DNAAF1: variants seen among roughly 807,000 people sequenced by gnomAD.
The protein encoded by DNAAF1 is dynein axonemal assembly factor 1.
In DNAAF1, 65 loss-of-function variants were observed where a neutral mutation model predicts 71.1. The ratio of observed to expected loss-of-function variants is 0.91; its 90% CI spans 0.75 to 1.12. The LOEUF is 1.12. DNAAF1 is among the 50% of genes most tolerant of loss of function. The pLI, the probability that DNAAF1 is intolerant of heterozygous loss-of-function variation, is 0.00. For synonymous variants in DNAAF1, 414 were observed against 354.6 expected, an observed-to-expected ratio of 1.17 and a Z score of -1.88; for missense variants, 1,178 against 899.8, an observed-to-expected ratio of 1.31 and a Z score of -3.96.
At chr16:84,166,841 G>C (rs954342110) in intron 7 of DNAAF1, among the ~76,000 whole-genome samples, 1 of 152,232 alleles carries the variant, frequency 6.6e-6, no homozygotes, top group Non-Finnish European at 1.5e-5. Context: ...TTCTGCGGCT[G>C]CTGAAAGTAG....
At chr16:84,168,811 C>G (rs1006080736) in intron 7 of DNAAF1, among the ~76,000 whole-genome samples, 1 of 140,198 alleles carries the variant, frequency 7.1e-6, no homozygotes, top group Non-Finnish European at 1.5e-5. Context: ...TCATAATTTG[C>G]TACACATTTG....
In DNAAF1 at chr16:84,176,196, C is replaced by A; in HGVS notation, c.1962C>A (p.Asp654Glu). ...RPLIQELSDE[D>E]PSGQLLMPPT... ...TGATCCAGGAGCTCAGCGACGAGGACCCCTCTGGCCAGCTACTGATGCCCC... is the reference window on the plus strand; with the variant it reads ...TGATCCAGGAGCTCAGCGACGAGGAACCCTCTGGCCAGCTACTGATGCCCC... The change falls in exon 11 of 12, where the codon GAC becomes GAA. Residue 654 changes from aspartate (D) to glutamate (E), a missense_variant. Physicochemically the swap from Asp to Glu is conservative, Grantham distance 45. Transcript: ENST00000378553. 1 of 1,613,944 alleles carries A rather than the reference C, an allele frequency of 6.2e-7. No homozygotes were observed. Among genetic ancestry groups the A allele is most frequent in the Non-Finnish European group, 8.5e-7 (1 of 1,180,030 alleles).
At position 84,172,261 on chromosome 16, in the gene DNAAF1, A is replaced by G; in HGVS notation, c.1530A>G (p.Glu510=). Reference sequence around the variant, plus strand: ...CCAAGACTTGTTGTTGCTCTTTAGAACCGACTCCCCAGGCTGTGGCCACTG... The same window carrying G: ...CCAAGACTTGTTGTTGCTCTTTAGAGCCGACTCCCCAGGCTGTGGCCACTG... ...PPPPLGAARE[E]PTPQAVATEG... Residue 510 remains glutamate (E), a splice_region_variant and synonymous_variant, in exon 9 of 12, where the codon GAA becomes GAG. Coordinates refer to ENST00000378553, the MANE Select transcript of DNAAF1 (RefSeq NM_178452.6). 2 of 1,613,928 alleles carry G rather than the reference A, an allele frequency of 1.2e-6. No homozygotes were observed. The highest frequency in any genetic ancestry group is 1.7e-6 in the Non-Finnish European group (2 of 1,179,968).
At chr16:84,177,689 A>G (rs762504939) in intron 11 of DNAAF1, 40 bp from the exon 12 acceptor site, 2 of 1,562,454 alleles carry the variant, frequency 1.3e-6, no homozygotes, top group East Asian at 4.5e-5. Context: ...TTGCAGTCAC[A>G]GTGACAGGGA....
chr16:84,151,947 G>A (rs1274267883), intron 3 of DNAAF1, among the ~76,000 whole-genome samples: 2 of 152,212 alleles, frequency 1.3e-5, no homozygotes, highest in African/African-American at 2.4e-5. Flanking sequence ...TCACTCCATT[G>A]TATGCTGTTG....
chr16:84,163,858 ACTT>A (rs2087835729), intron 6 of DNAAF1, among the ~76,000 whole-genome samples: 1 of 141,484 alleles, frequency 7.1e-6, no homozygotes, highest in African/African-American at 2.6e-5. Context: ...AAATTAATAG[ACTT>A]TTTTTTTTTT....
Position 84,155,722 on chromosome 16 carries a change from G to C in DNAAF1, c.714G>C (p.Leu238=), listed in dbSNP as rs928649220. ...ACAAGCTGAGTGACCCGGAGATCCT[G>C]AGCATTCTGGAAAGCATGCCCGATT... ...SHNKLSDPEI[L]SILESMPDLR... The change falls in exon 5 of 12, where the codon CTG becomes CTC. Residue 238 remains leucine, a synonymous_variant. Coordinates refer to ENST00000378553, the MANE Select transcript of DNAAF1 (RefSeq NM_178452.6). 6.2e-7 allele frequency: 1 copy of C among 1,613,974 alleles called. No individual in the cohort carries two copies. Among genetic ancestry groups the C allele is most frequent in the Non-Finnish European group, 8.5e-7 (1 of 1,180,028 alleles).
chr16:84,169,960 T>A lies in DNAAF1; in HGVS notation c.1132T>A (p.Phe378Ile), dbSNP rs1373958459. Residue 378 changes from phenylalanine to isoleucine, a missense_variant, in exon 8 of 12, where the codon TTT (phenylalanine) becomes ATT (isoleucine). By Grantham distance (21) the Phe-to-Ile change is conservative. Transcript: ENST00000378553. Reference sequence around the variant, plus strand: ...AGAAACAAGGCAGAAGATGGAGCTATTTGTTAAGGAAAGCTTTGAGGCCAA... The same window carrying A: ...AGAAACAAGGCAGAAGATGGAGCTAATTGTTAAGGAAAGCTTTGAGGCCAA... ...DRETRQKMEL[F>I]VKESFEAKDE... The A allele has an allele frequency of 6.2e-7, 1 of 1,614,092 alleles. No homozygotes were observed. The highest frequency in any genetic ancestry group is 8.5e-7 in the Non-Finnish European group (1 of 1,180,028).
chr16:84,167,260 T>A (rs2088063008), intron 7 of DNAAF1, among the ~76,000 whole-genome samples: 1 of 152,128 alleles, frequency 6.6e-6, no homozygotes, highest in South Asian at 2.1e-4. Context: ...GAAGGGTCTG[T>A]GGGAAGGGGC....
chr16:84,169,860 G>T lies in DNAAF1; in HGVS notation c.1032G>T (p.Gly344=), dbSNP rs779134079. 1 of 1,613,666 alleles carries T rather than the reference G, an allele frequency of 6.2e-7. No individual in the cohort carries two copies. The highest frequency in any genetic ancestry group is 8.5e-7 in the Non-Finnish European group (1 of 1,180,046). Residue 344 remains glycine, a splice_region_variant and synonymous_variant, in exon 8 of 12, where the codon GGG becomes GGT. Coordinates refer to ENST00000378553, the MANE Select transcript of DNAAF1 (RefSeq NM_178452.6). Reference sequence around the variant, plus strand: ...CACCTTTGCATTTTCTGCCATTAGGGGAGATGACATCTTCAGATGATGGTG... The same window carrying T: ...CACCTTTGCATTTTCTGCCATTAGGTGAGATGACATCTTCAGATGATGGTG... The part of the protein sequence containing the change: ...RKRQRESQER[G]EMTSSDDGEN...
chr16:84,160,674 T>C (rs140064304), intron 6 of DNAAF1, among the ~76,000 whole-genome samples: 101 of 151,650 alleles, frequency 6.7e-4, no homozygotes, highest in Non-Finnish European at 1.1e-3. Flanking sequence ...GTGGCTCATG[T>C]CTGTAATCCC....
At chr16:84,148,304 C>T (rs1034995374) in intron 1 of DNAAF1, among the ~76,000 whole-genome samples, 1 of 152,018 alleles carries the variant, frequency 6.6e-6, no homozygotes, top group Non-Finnish European at 1.5e-5. Flanking sequence ...ACTCCATATA[C>T]GTTTCTGAGA....
rs139889264 is a variant in DNAAF1, at chr16:84,174,782, G to C, written c.1698+60G>C. On this transcript the variant is annotated intron_variant, in intron 10 of 11. Coordinates refer to ENST00000378553, the MANE Select transcript of DNAAF1 (RefSeq NM_178452.6). ...GCTTAATTCCACCTTCGTTCTTGTC[G>C]TTTACCGTTTCTCTCCTAAACTTGA... 1,137 of 1,604,222 alleles carry C rather than the reference G, an allele frequency of 7.1e-4. 1 individual carries two copies. The highest frequency in any genetic ancestry group is 9.1e-4 in the Non-Finnish European group (1,065 of 1,171,246).
In DNAAF1 at chr16:84,165,954, G is replaced by A; in HGVS notation, c.1030+5G>A. 6.8e-6 allele frequency: 11 copies of A among 1,612,544 alleles called. No homozygotes were observed. The highest frequency in any genetic ancestry group is 9.3e-6 in the Non-Finnish European group (11 of 1,179,658). ...AGAGAGAGAGTCAAGAGAGAGGTAT[G>A]CGCTCGGCCGAAGACAACAGCCCCA... On this transcript the variant is annotated splice_donor_5th_base_variant and intron_variant, in intron 7 of 11. Transcript: ENST00000378553.
At chr16:84,170,438 G>A in intron 8 of DNAAF1, 82 bp downstream of exon 8, 2 of 1,596,864 alleles carry the variant, frequency 1.3e-6, no homozygotes, top group East Asian at 4.5e-5. Context: ...TGTGGGACCT[G>A]GGGCCTGAGT....
chr16:84,155,198 A>C (rs189472122), intron 4 of DNAAF1, among the ~76,000 whole-genome samples: 1 of 151,218 alleles, frequency 6.6e-6, no homozygotes, highest in African/African-American at 2.4e-5. Flanking sequence ...GTGAGCCACC[A>C]TGCCCAGCCA....
At chr16:84,150,416 A>AGGG (rs2087128637) in intron 3 of DNAAF1, 74 bp downstream of exon 3, 1 of 1,154,124 alleles carries the variant, frequency 8.7e-7, no homozygotes, top group African/African-American at 1.5e-5. Context: ...AATTACTTGC[A>AGGG]GGGATCACCT....
At position 84,172,278 on chromosome 16, in the gene DNAAF1, T is replaced by C; in HGVS notation, c.1547T>C (p.Val516Ala). 6.2e-7 allele frequency: 1 copy of C among 1,614,178 alleles called. No individual in the cohort carries two copies. The highest frequency in any genetic ancestry group is 8.5e-7 in the Non-Finnish European group (1 of 1,180,022). ...AAREEPTPQA[V>A]ATEGVFVTEL... ...TCTTTAGAACCGACTCCCCAGGCTG[T>C]GGCCACTGAGGGTGTATTCGTTACA... Residue 516 changes from valine to alanine, a missense_variant, in exon 9 of 12, where the codon GTG becomes GCG. Coordinates refer to ENST00000378553, the MANE Select transcript of DNAAF1 (RefSeq NM_178452.6).
At position 84,176,017 on chromosome 16, in the gene DNAAF1, C is replaced by A; in HGVS notation, c.1783C>A (p.Leu595Met). The change falls in exon 11 of 12, where the codon CTG (leucine) becomes ATG (methionine). Residue 595 changes from leucine (L) to methionine (M), a missense_variant. Physicochemically the swap from Leu to Met is conservative, Grantham distance 15 (BLOSUM62 2). Transcript: ENST00000378553. ...PELDYTSLPV[L>M]ENLPTDTLSN... ...ACTGGACTACACGTCACTCCCTGTGCTGGAAAACCTCCCCACAGACACTCT... is the reference window on the plus strand; with the variant it reads ...ACTGGACTACACGTCACTCCCTGTGATGGAAAACCTCCCCACAGACACTCT... 1 of 1,614,192 alleles carries A rather than the reference C, an allele frequency of 6.2e-7. No homozygotes were observed. Among genetic ancestry groups the A allele is most frequent in the Non-Finnish European group, 8.5e-7 (1 of 1,180,036 alleles).
Sources: gnomAD v4.1 joint callset for allele counts (sites outside exome capture counted in the v4.1 genomes callset) on GRCh38, gnomAD v4.1.1 for gene constraint, MANE v1.5 for transcripts, NCBI Gene and HGNC (gene_info 2026-07-23, HGNC 2026-07-21) for gene names.